The following GALNTL6 variants were observed in gnomAD, a reference collection of about 807,000 sequenced individuals.
The protein encoded by GALNTL6 is polypeptide N-acetylgalactosaminyltransferase like 6, also known as polypeptide N-acetylgalactosaminyltransferase-like 6.
In GALNTL6, 46 loss-of-function variants were observed where a neutral mutation model predicts 73.7. The ratio of observed to expected loss-of-function variants is 0.62; its 90% CI spans 0.49 to 0.80. The LOEUF is 0.80. Ranked by LOEUF, GALNTL6 falls within the 30% of genes least tolerant of loss-of-function variation. The pLI, the probability that GALNTL6 is intolerant of heterozygous loss-of-function variation, is 0.00. For missense variants in GALNTL6, 604 were observed against 755.0 expected (o/e 0.80, Z 2.34); for synonymous variants, 259 against 263.7 (o/e 0.98, Z 0.17).
At chr4:172,495,146 C>A (rs1022104436) in intron 5 of GALNTL6, among the ~76,000 whole-genome samples, 1 of 152,010 alleles carries the variant, frequency 6.6e-6, no homozygotes, top group African/African-American at 2.4e-5. Context: ...TACAGTATAA[C>A]AAATTAAGCA....
At chr4:172,269,077 G>A (rs957030430) in intron 3 of GALNTL6, among the ~76,000 whole-genome samples, 4 of 152,024 alleles carry the variant, frequency 2.6e-5, no homozygotes, top group Non-Finnish European at 4.4e-5. Flanking sequence ...TGGGTGCTCC[G>A]CCATGGCCAG....
chr4:172,818,835 G>C (rs960958337), intron 7 of GALNTL6, among the ~76,000 whole-genome samples: 2 of 152,168 alleles, frequency 1.3e-5, no homozygotes, highest in African/African-American at 4.8e-5. Flanking sequence ...CTGACCTCAT[G>C]ATCTGCCCGC....
intron 2 of GALNTL6, among the ~76,000 whole-genome samples, chr4:172,193,880 G>A (rs1385210895): frequency 1.3e-5 from 2 of 151,788 alleles, no homozygotes; most frequent in Non-Finnish European, 2.9e-5. Context: ...AAAGAAAAGA[G>A]AAATAATCAA....
At chr4:172,195,055 C>A (rs955430923) in intron 2 of GALNTL6, among the ~76,000 whole-genome samples, 2 of 152,042 alleles carry the variant, frequency 1.3e-5, no homozygotes, top group Non-Finnish European at 2.9e-5. Context: ...AGAGACCCAT[C>A]TCACGTGCCA....
intron 2 of GALNTL6, among the ~76,000 whole-genome samples, chr4:171,962,450 C>T (rs555681947): frequency 2.0e-5 from 3 of 152,232 alleles, no homozygotes; most frequent in South Asian, 2.1e-4. Context: ...GACCTCTGGT[C>T]GTCCTCATTA....
chr4:172,841,920 T>C (rs1437513427), intron 7 of GALNTL6, among the ~76,000 whole-genome samples: 1 of 152,182 alleles, frequency 6.6e-6, no homozygotes, highest in African/African-American at 2.4e-5. Flanking sequence ...CCTTAGAAGG[T>C]CTTTTAGATA....
At chr4:172,821,922 T>C (rs1017108590) in intron 7 of GALNTL6, among the ~76,000 whole-genome samples, 2 of 152,110 alleles carry the variant, frequency 1.3e-5, no homozygotes, top group African/African-American at 4.8e-5. Flanking sequence ...CCCTCCCCCA[T>C]TGCTTGGCTC....
intron 5 of GALNTL6, among the ~76,000 whole-genome samples, chr4:172,402,513 A>G (rs1395538417): frequency 6.6e-6 from 1 of 152,140 alleles, no homozygotes; most frequent in Non-Finnish European, 1.5e-5. Flanking sequence ...ATACAATTTT[A>G]AAGAGAAAAG....
chr4:172,361,076 G>A (rs1304807512), intron 5 of GALNTL6, among the ~76,000 whole-genome samples: 1 of 152,114 alleles, frequency 6.6e-6, no homozygotes, highest in Admixed American at 6.6e-5. Flanking sequence ...GTGAAAAAGG[G>A]TACAGCAAAT....
At chr4:172,806,454 A>G (rs951413830) in intron 5 of GALNTL6, among the ~76,000 whole-genome samples, 2 of 152,216 alleles carry the variant, frequency 1.3e-5, no homozygotes, top group Admixed American at 1.3e-4. Context: ...TTTCTTATAA[A>G]CCAAAGAATA....
At chr4:172,504,175 A>AAAAAAACAAAAAAAAAAAAAAAAC (rs1363544210) in intron 5 of GALNTL6, among the ~76,000 whole-genome samples, 1 of 39,290 alleles carries the variant, frequency 2.5e-5, no homozygotes, top group African/African-American at 7.7e-5. Flanking sequence ...AAAAAAAAAA[A>AAAAAAACAAAAAAAAAAAAAAAAC]AAAACTCACA....
At chr4:172,234,800 G>A (rs748221003) in intron 3 of GALNTL6, among the ~76,000 whole-genome samples, 1 of 151,948 alleles carries the variant, frequency 6.6e-6, no homozygotes. Flanking sequence ...ACAGTATAAT[G>A]AGCTCATAAA....
chr4:172,592,254 T>C (rs534822559), intron 5 of GALNTL6, among the ~76,000 whole-genome samples: 3 of 152,266 alleles, frequency 2.0e-5, no homozygotes, highest in South Asian at 4.1e-4. Context: ...TGAGGCTTTA[T>C]AACAACTCGC....
intron 2 of GALNTL6, among the ~76,000 whole-genome samples, chr4:171,916,798 T>G (rs1221679137): frequency 1.3e-5 from 2 of 152,130 alleles, no homozygotes; most frequent in East Asian, 1.9e-4. Context: ...TCTCATTTTC[T>G]TGGTGTAAAG....
At chr4:172,187,324 A>G (rs930810689) in intron 2 of GALNTL6, among the ~76,000 whole-genome samples, 3 of 152,256 alleles carry the variant, frequency 2.0e-5, no homozygotes, top group African/African-American at 4.8e-5. Context: ...ATGATTGGAC[A>G]TATGTTTTCA....
intron 5 of GALNTL6, among the ~76,000 whole-genome samples, chr4:172,375,731 A>G (rs1170756407): frequency 2.0e-5 from 3 of 152,180 alleles, no homozygotes; most frequent in Non-Finnish European, 4.4e-5. Context: ...TTACTGATGC[A>G]TTCTTGAAAA....
At chr4:172,372,229 G>T (rs1459153309) in intron 5 of GALNTL6, among the ~76,000 whole-genome samples, 1 of 152,204 alleles carries the variant, frequency 6.6e-6, no homozygotes, top group Non-Finnish European at 1.5e-5. Context: ...GGGGGCATAA[G>T]TCTGGACTAT....
At chr4:172,176,704 G>A (rs764081414) in intron 2 of GALNTL6, among the ~76,000 whole-genome samples, 13 of 152,012 alleles carry the variant, frequency 8.6e-5, no homozygotes, top group South Asian at 2.1e-4. Flanking sequence ...GAGGAGGATC[G>A]CTGGAGCTCA....
intron 5 of GALNTL6, among the ~76,000 whole-genome samples, chr4:172,736,408 C>G (rs538332212): frequency 6.6e-6 from 1 of 152,184 alleles, no homozygotes; most frequent in Non-Finnish European, 1.5e-5. Flanking sequence ...TCTGCCCAGC[C>G]CCACAGGCAG....
Sources: gnomAD v4.1 joint callset for allele counts (sites outside exome capture counted in the v4.1 genomes callset) on GRCh38, gnomAD v4.1.1 for gene constraint, MANE v1.5 for transcripts, NCBI Gene and HGNC (gene_info 2026-07-23, HGNC 2026-07-21) for gene names.